DHX8: variants seen among roughly 807,000 people sequenced by gnomAD.
The protein encoded by DHX8 is DEAH-box helicase 8.
A neutral mutation model predicts 140.7 loss-of-function variants in DHX8; 67 were observed. That is an observed-to-expected ratio of 0.48 (90% CI 0.39 to 0.58). The LOEUF (loss-of-function observed/expected upper bound fraction) is 0.58. DHX8 is among the 20% of genes least tolerant of loss of function. DHX8 has a pLI of 0.00. For missense variants in DHX8, 887 were observed against 1,550.7 expected (o/e 0.57, Z 7.19); for synonymous variants, 533 against 553.2 (o/e 0.96, Z 0.51).
intron 16 of DHX8, among the ~76,000 whole-genome samples, chr17:43,510,134 C>T (rs987070943): frequency 2.6e-5 from 4 of 151,918 alleles, no homozygotes; most frequent in African/African-American, 7.3e-5. Flanking sequence ...CCGCAACCTC[C>T]GCCTCCCAGA....
chr17:43,525,062 G>A lies in DHX8; in HGVS notation c.*1215G>A. ...TCCTGCCTCTGCCTCCCAAAGCGCT[G>A]GGATTACAGTTGAGAGCCACTGTCC... On this transcript the variant is annotated 3_prime_UTR_variant, in exon 23 of 23. Coordinates refer to ENST00000262415, the MANE Select transcript of DHX8 (RefSeq NM_004941.3). The A allele has an allele frequency of 1.0e-6, 1 of 985,452 alleles. No individual in the cohort carries two copies. The highest frequency in any genetic ancestry group is 1.2e-6 in the Non-Finnish European group (1 of 830,022). The allele number at this position is 985,452 out of a possible 1,614,324, so 61.0% of individuals were successfully genotyped here.
downstream of DHX8, chr17:43,526,727 T>C: frequency 2.1e-6 from 3 of 1,418,574 alleles, no homozygotes; most frequent in South Asian, 3.1e-5. Flanking sequence ...CCACCGATTT[T>C]TACACCTTCT....
At chr17:43,528,498 A>G (rs754900082), downstream of DHX8, 44 of 1,522,928 alleles carry the variant, frequency 2.9e-5, no homozygotes, top group African/African-American at 5.6e-4. Flanking sequence ...CACCTGCGGC[A>G]GGGGGAACAG....
At chr17:43,526,815 G>A, downstream of DHX8, 1 of 754,944 alleles carries the variant, frequency 1.3e-6, no homozygotes, top group South Asian at 2.6e-5. Context: ...TTTGTTTCTT[G>A]CACTAAATTA....
At chr17:43,529,250 A>G (rs1013978909), downstream of DHX8, 4 of 1,613,528 alleles carry the variant, frequency 2.5e-6, no homozygotes, top group Non-Finnish European at 3.4e-6. Flanking sequence ...GGAACAAAAC[A>G]GTTTTGGGGT....
At chr17:43,506,053 G>A (rs143826633) in intron 12 of DHX8, among the ~76,000 whole-genome samples, 259 of 151,904 alleles carry the variant, frequency 1.7e-3, no homozygotes, top group African/African-American at 6.0e-3. Context: ...GTGCAGGCTG[G>A]AGTACAGTGG....
At chr17:43,485,720 T>C (rs1184758032) in intron 1 of DHX8, among the ~76,000 whole-genome samples, 2 of 152,212 alleles carry the variant, frequency 1.3e-5, no homozygotes, top group Non-Finnish European at 2.9e-5. Context: ...AAAAAGTTAT[T>C]GACATTAACC....
chr17:43,515,245 G>T (rs143256569), intron 17 of DHX8, among the ~76,000 whole-genome samples: 1 of 152,176 alleles, frequency 6.6e-6, no homozygotes, highest in African/African-American at 2.4e-5. Context: ...TTGGAGTGCA[G>T]TGGTGCAATC....
chr17:43,526,136 G>T (rs778902179), downstream of DHX8: 26 of 985,220 alleles, frequency 2.6e-5, no homozygotes, highest in South Asian at 2.8e-4. Flanking sequence ...AGGGAGAAGG[G>T]GGGGGTCCTG....
At chr17:43,485,058 C>T in intron 1 of DHX8, among the ~76,000 whole-genome samples, 1 of 152,128 alleles carries the variant, frequency 6.6e-6, no homozygotes, top group South Asian at 2.1e-4. Context: ...CAGATGGAGC[C>T]TTTATGAAGG....
chr17:43,528,204 C>G (rs1204590403), downstream of DHX8: 1 of 303,484 alleles, frequency 3.3e-6, no homozygotes, highest in African/African-American at 2.1e-5. Context: ...CAGAACAGAA[C>G]AAACTCTTGT....
chr17:43,534,875 C>T (rs1424518860), intron 2 of DHX8, among the ~76,000 whole-genome samples: 2 of 150,462 alleles, frequency 1.3e-5, no homozygotes, highest in East Asian at 2.0e-4. Context: ...TGGGAGGCAG[C>T]GGTTGCAGTG....
chr17:43,505,515 A>G (rs910107776), intron 12 of DHX8, among the ~76,000 whole-genome samples: 2 of 151,884 alleles, frequency 1.3e-5, no homozygotes, highest in African/African-American at 4.8e-5. Context: ...GCTACAGTGA[A>G]CTGCAATCAC....
intron 3 of DHX8, among the ~76,000 whole-genome samples, chr17:43,538,687 A>G (rs1598211228): frequency 1.3e-5 from 2 of 152,288 alleles, no homozygotes; most frequent in East Asian, 3.9e-4. Context: ...CCCCTCTCTC[A>G]AAAATAAATG....
intron 12 of DHX8, among the ~76,000 whole-genome samples, chr17:43,505,692 G>A (rs1598150973): frequency 6.6e-6 from 1 of 152,052 alleles, no homozygotes; most frequent in East Asian, 1.9e-4. Flanking sequence ...TGGACCAACA[G>A]CTCTGTTCAG....
chr17:43,493,119 A>G, intron 6 of DHX8, 79 bp downstream of exon 6: 2 of 1,531,060 alleles, frequency 1.3e-6, no homozygotes, highest in South Asian at 2.5e-5. Context: ...CATTCTAAAA[A>G]GTTACTTTGA....
At chr17:43,513,337 C>T in intron 16 of DHX8, 25 bp from the exon 17 acceptor site, 3 of 1,610,300 alleles carry the variant, frequency 1.9e-6, no homozygotes, top group South Asian at 1.1e-5. Context: ...GCACCTCACT[C>T]CAGCTTTGCC....
downstream of DHX8, among the ~76,000 whole-genome samples, chr17:43,531,691 ACT>A (rs1467112896): frequency 1.1e-4 from 16 of 152,036 alleles, no homozygotes; most frequent in Admixed American, 8.5e-4. Context: ...ACAGAGCAAG[ACT>A]CTGTCTCAAA....
At chr17:43,490,558 GC>G in intron 3 of DHX8, 95 bp downstream of exon 3, 3 of 1,025,878 alleles carry the variant, frequency 2.9e-6, no homozygotes, top group Non-Finnish European at 4.3e-6. Flanking sequence ...CAGTTGCTGA[GC>G]AAGTAAATGT....
Sources: gnomAD v4.1 joint callset for allele counts (sites outside exome capture counted in the v4.1 genomes callset) on GRCh38, gnomAD v4.1.1 for gene constraint, MANE v1.5 for transcripts, NCBI Gene and HGNC (gene_info 2026-07-23, HGNC 2026-07-21) for gene names.